Variants in BAZ2B observed in about 807,000 individuals in gnomAD.
The protein encoded by BAZ2B is bromodomain adjacent to zinc finger domain protein 2B.
In BAZ2B, 91 loss-of-function variants were observed where a neutral mutation model predicts 246.0. The ratio of observed to expected loss-of-function variants is 0.37; its 90% CI spans 0.31 to 0.44. The LOEUF is 0.44. Ranked by LOEUF, BAZ2B falls within the 20% of genes least tolerant of loss-of-function variation. The probability of loss-of-function intolerance (pLI) is 1.00; values close to 1 mark genes in which losing one functional copy is unlikely to be tolerated. For synonymous variants in BAZ2B, 855 were observed against 860.0 expected (o/e 0.99, Z 0.10); for missense variants, 2,332 against 2,533.7 (o/e 0.92, Z 1.71).
intron 2 of BAZ2B, among the ~76,000 whole-genome samples, chr2:159,485,465 A>C (rs1292967632): frequency 3.3e-5 from 5 of 152,168 alleles, no homozygotes; most frequent in Admixed American, 3.3e-4. Context: ...GTGAATATGT[A>C]AAATGAATTG....
intron 16 of BAZ2B, among the ~76,000 whole-genome samples, chr2:159,402,943 T>A (rs1381932840): frequency 6.6e-6 from 1 of 152,214 alleles, no homozygotes; most frequent in African/African-American, 2.4e-5. Flanking sequence ...TCTTTTTACA[T>A]AAGAGAAAAC....
chr2:159,572,911 G>A (rs1433506422), intron 1 of BAZ2B, among the ~76,000 whole-genome samples: 1 of 152,130 alleles, frequency 6.6e-6, no homozygotes, highest in Non-Finnish European at 1.5e-5. Context: ...ATGAGAATGA[G>A]GATTGTGTTT....
chr2:159,705,320 T>C, the BAZ2B span, among the ~76,000 whole-genome samples: 1 of 152,034 alleles, frequency 6.6e-6, no homozygotes, highest in Non-Finnish European at 1.5e-5. Flanking sequence ...CCACGCCCAG[T>C]GTAGTTACCA....
intron 5 of BAZ2B, among the ~76,000 whole-genome samples, chr2:159,447,205 G>C (rs1469838228): frequency 1.3e-5 from 2 of 152,150 alleles, no homozygotes; most frequent in African/African-American, 2.4e-5. Flanking sequence ...GGAATGGGAG[G>C]CAACTGCTTA....
chr2:159,512,132 A>G (rs1194815098), intron 2 of BAZ2B, among the ~76,000 whole-genome samples: 2 of 152,108 alleles, frequency 1.3e-5, no homozygotes, highest in African/African-American at 2.4e-5. Context: ...CTCATATCCT[A>G]TTTTAATCTA....
Position 159,383,618 on chromosome 2 carries a change from C to G in BAZ2B, c.3749G>C (p.Gly1250Ala). 1 of 1,611,246 alleles carries G rather than the reference C, an allele frequency of 6.2e-7. No homozygotes were observed. Among genetic ancestry groups the G allele is most frequent in the Non-Finnish European group, 8.5e-7 (1 of 1,178,358 alleles). ...AAACAGGACTTACTTGCGGAGTTTA[C>G]CTTCTACCACCCATTTATCTCTCCT... ...NLRRDKWVVE[G>A]KLRKLRIIHA... The change falls in exon 24 of 37, where the codon GGT (glycine) becomes GCT (alanine). Residue 1250 changes from glycine (G) to alanine (A), a missense_variant. Physicochemically the swap from Gly to Ala is moderately conservative, Grantham distance 60. Transcript: ENST00000392783.
intron 1 of BAZ2B, among the ~76,000 whole-genome samples, chr2:159,599,150 TAG>T (rs1691473848): frequency 1.3e-5 from 2 of 152,128 alleles, no homozygotes; most frequent in Non-Finnish European, 2.9e-5. Context: ...ACGTTTTACC[TAG>T]AGTGTCATAT....
In BAZ2B at chr2:159,348,852, G is replaced by A. The variant is rs549923338; in HGVS notation, c.5138-19C>T. The A allele has an allele frequency of 1.4e-5, 22 of 1,579,270 alleles. No homozygotes were observed. The highest frequency in any genetic ancestry group is 1.9e-5 in the Non-Finnish European group (22 of 1,170,292). ...TGCATTTCTAAGTCAAGATAAATAAGTAGAACTTTTACAAATATTTTGAAT... is the reference window on the plus strand; with the variant it reads ...TGCATTTCTAAGTCAAGATAAATAAATAGAACTTTTACAAATATTTTGAAT... On this transcript the variant is annotated intron_variant, in intron 29 of 36. Transcript: ENST00000392783.
chr2:159,409,819 A>G (rs1239622923), intron 14 of BAZ2B, among the ~76,000 whole-genome samples: 3 of 152,212 alleles, frequency 2.0e-5, no homozygotes, highest in Non-Finnish European at 2.9e-5. Flanking sequence ...ATACATGTTG[A>G]GAAAGAGTAC....
At chr2:159,677,568 T>C in the BAZ2B span, among the ~76,000 whole-genome samples, 2 of 152,198 alleles carry the variant, frequency 1.3e-5, no homozygotes, top group Non-Finnish European at 1.5e-5. Flanking sequence ...CTACATTTTA[T>C]TTCTAATTTT....
At chr2:159,687,271 A>C in the BAZ2B span, among the ~76,000 whole-genome samples, 1 of 152,116 alleles carries the variant, frequency 6.6e-6, no homozygotes, top group South Asian at 2.1e-4. Flanking sequence ...ATTCATAGCA[A>C]GCTCCTTTCA....
At chr2:159,458,242 T>C in intron 3 of BAZ2B, 1 of 152,612 alleles carries the variant, frequency 6.6e-6, no homozygotes, top group Non-Finnish European at 1.5e-5. Context: ...ACTACTGACC[T>C]CATGATCTGC....
chr2:159,464,574 T>C (rs2076813794), intron 3 of BAZ2B: 1 of 152,184 alleles, frequency 6.6e-6, no homozygotes, highest in Non-Finnish European at 1.5e-5. Flanking sequence ...CCATTTTCTC[T>C]TCAAAAGGCA....
intron 1 of BAZ2B, among the ~76,000 whole-genome samples, chr2:159,575,109 T>G (rs976238515): frequency 1.3e-5 from 2 of 152,176 alleles, no homozygotes; most frequent in East Asian, 3.9e-4. Flanking sequence ...ATAATTCCAC[T>G]TACATGCAAT....
intron 1 of BAZ2B, among the ~76,000 whole-genome samples, chr2:159,565,395 G>GTA (rs1207500987): frequency 6.6e-6 from 1 of 152,196 alleles, no homozygotes; most frequent in Non-Finnish European, 1.5e-5. Context: ...ATGGGAGACA[G>GTA]TATAACACAC....
chr2:159,497,489 G>T (rs972392642), intron 2 of BAZ2B, among the ~76,000 whole-genome samples: 7 of 152,218 alleles, frequency 4.6e-5, no homozygotes, highest in African/African-American at 1.4e-4. Context: ...CCATTCCTGT[G>T]GTCAAAGCTG....
At chr2:159,565,667 C>T (rs1303180079) in intron 1 of BAZ2B, among the ~76,000 whole-genome samples, 3 of 151,478 alleles carry the variant, frequency 2.0e-5, no homozygotes, top group Non-Finnish European at 4.4e-5. Flanking sequence ...GTACCAGCTA[C>T]TTCGGAGGCT....
intron 34 of BAZ2B, among the ~76,000 whole-genome samples, chr2:159,332,326 C>CA (rs11409022): frequency 0.66 from 92,945 of 141,304 alleles, 31,877 homozygotes; most frequent in Non-Finnish European, 0.77. Context: ...ATCTCTCTCT[C>CA]AAAAAAAAAA....
chr2:159,635,461 G>T, the BAZ2B span, among the ~76,000 whole-genome samples: 1 of 152,100 alleles, frequency 6.6e-6, no homozygotes, highest in African/African-American at 2.4e-5. Context: ...CAAGATCACA[G>T]CTTTTTCGGA....
Sources: gnomAD v4.1 joint callset for allele counts (sites outside exome capture counted in the v4.1 genomes callset) on GRCh38, gnomAD v4.1.1 for gene constraint, MANE v1.5 for transcripts, NCBI Gene and HGNC (gene_info 2026-07-23, HGNC 2026-07-21) for gene names.